TGFB2: variants seen among roughly 807,000 people sequenced by gnomAD.
TGFB2 encodes the protein transforming growth factor beta 2, also known as transforming growth factor beta-2 proprotein.
TGFB2 carries 13 observed loss-of-function variants against 42.7 expected under a neutral mutation model. The ratio of observed to expected loss-of-function variants is 0.30; its 90% CI spans 0.20 to 0.48. The LOEUF (loss-of-function observed/expected upper bound fraction) is 0.48. Among genes scored for constraint, TGFB2 ranks in the 20% least tolerant of loss-of-function variants. The probability of loss-of-function intolerance (pLI) is 0.99; values close to 1 mark genes in which losing one functional copy is unlikely to be tolerated. For synonymous variants in TGFB2, 193 were observed against 193.6 expected (o/e 1.00, Z 0.03); for missense variants, 390 against 517.5 (o/e 0.75, Z 2.39).
intron 2 of TGFB2, among the ~76,000 whole-genome samples, chr1:218,407,348 G>T (rs1012224541): frequency 1.3e-5 from 2 of 152,140 alleles, no homozygotes; most frequent in Non-Finnish European, 2.9e-5. Flanking sequence ...CCAATGTGCT[G>T]GGATTACAGG....
At chr1:218,364,025 C>T (rs575061092) in intron 1 of TGFB2, among the ~76,000 whole-genome samples, 40 of 152,220 alleles carry the variant, frequency 2.6e-4, no homozygotes, top group Middle Eastern at 3.4e-3. Flanking sequence ...TATCAGCTAT[C>T]GTTAGTGTTA....
chr1:218,406,910 T>C (rs906647507), intron 2 of TGFB2, among the ~76,000 whole-genome samples: 2 of 152,126 alleles, frequency 1.3e-5, no homozygotes, highest in African/African-American at 4.8e-5. Context: ...AAACATGGGA[T>C]TACTTGAGAA....
chr1:218,422,730 G>A (rs550992375), intron 2 of TGFB2, among the ~76,000 whole-genome samples: 1 of 152,174 alleles, frequency 6.6e-6, no homozygotes, highest in South Asian at 2.1e-4. Flanking sequence ...TTGTTGAGAT[G>A]TCTATATTCC....
At chr1:218,377,923 C>T (rs1657797739) in intron 1 of TGFB2, among the ~76,000 whole-genome samples, 1 of 152,124 alleles carries the variant, frequency 6.6e-6, no homozygotes, top group Non-Finnish European at 1.5e-5. Flanking sequence ...TTTGCCACCA[C>T]CTCCTTCGTT....
intron 1 of TGFB2, among the ~76,000 whole-genome samples, chr1:218,395,815 C>T (rs1365674068): frequency 6.6e-6 from 1 of 151,926 alleles, no homozygotes. Flanking sequence ...GGGATTTCAC[C>T]ATGTTAGCCA....
chr1:218,432,969 C>T (rs1262378545), intron 2 of TGFB2, among the ~76,000 whole-genome samples: 4 of 152,150 alleles, frequency 2.6e-5, no homozygotes, highest in Admixed American at 6.5e-5. Context: ...TTTTTAAAAC[C>T]ACCTAAAATA....
rs1656680488 is a variant in TGFB2, at chr1:218,346,466, C to T, written c.-236C>T. ...CTCGCCAAAGTCAGGGTTCCCTCTG[C>T]CCGTCCCGTATTAATATTTCCACTT... On this transcript the variant is annotated 5_prime_UTR_variant, in exon 1 of 7. Coordinates refer to ENST00000366930, the MANE Select transcript of TGFB2 (RefSeq NM_003238.6). The surrounding 1 kb of genome is among the most constrained non-coding windows in gnomAD (Gnocchi z 4.9). The T allele has an allele frequency of 2.2e-6, 1 of 452,702 alleles. No homozygotes were observed. Among genetic ancestry groups the T allele is most frequent in the African/African-American group, 2.1e-5 (1 of 48,704 alleles). 28.0% of individuals were successfully genotyped at this position (452,702 alleles called of 1,614,324 possible).
At chr1:218,363,281 C>T (rs752811672) in intron 1 of TGFB2, 320 of 1,416,736 alleles carry the variant, frequency 2.3e-4, no homozygotes, top group Non-Finnish European at 3.1e-4. Flanking sequence ...TAGTTCTGTG[C>T]CAGGCATCTC....
At chr1:218,411,624 C>T (rs764824675) in intron 2 of TGFB2, among the ~76,000 whole-genome samples, 5 of 152,134 alleles carry the variant, frequency 3.3e-5, no homozygotes, top group Non-Finnish European at 5.9e-5. Context: ...AATCCCAGCA[C>T]TTTGAGAGGC....
chr1:218,347,693 C>T (rs1656736188), intron 1 of TGFB2, among the ~76,000 whole-genome samples: 1 of 152,174 alleles, frequency 6.6e-6, no homozygotes, highest in African/African-American at 2.4e-5. Context: ...AAGGCAAAAT[C>T]CTATAACCAC....
At chr1:218,378,569 C>T (rs1362183914) in intron 1 of TGFB2, among the ~76,000 whole-genome samples, 2 of 152,156 alleles carry the variant, frequency 1.3e-5, no homozygotes, top group Admixed American at 6.5e-5. Context: ...CCCCCTCGGC[C>T]TCCCAAAGTG....
chr1:218,352,387 C>T (rs1407744328), intron 1 of TGFB2, among the ~76,000 whole-genome samples: 1 of 152,076 alleles, frequency 6.6e-6, no homozygotes, highest in East Asian at 1.9e-4. Flanking sequence ...TAAACAAATG[C>T]CCATTGTCAT....
rs12133998 is a variant in TGFB2, at chr1:218,345,604, C to G, written c.-1098C>G. 1 of 152,574 alleles carries G rather than the reference C, an allele frequency of 6.6e-6. No homozygotes were observed. Among genetic ancestry groups the G allele is most frequent in the South Asian group, 2.1e-4 (1 of 4,830 alleles). The allele number at this position is 152,574 out of a possible 1,614,324, so 9.5% of individuals were successfully genotyped here. A position where few individuals can be genotyped will look rare whatever the true frequency, so the allele number is the denominator to read the frequency against. On this transcript the variant is annotated 5_prime_UTR_variant, in exon 1 of 7. Transcript: ENST00000366930. Reference sequence around the variant, plus strand: ...TTAGGGTGGCAAGTGCCTACCTACCCTAAGCGAGCAATTCCACGTTGGGGA... The same window carrying G: ...TTAGGGTGGCAAGTGCCTACCTACCGTAAGCGAGCAATTCCACGTTGGGGA...
intron 1 of TGFB2, among the ~76,000 whole-genome samples, chr1:218,369,431 GCAAA>G (rs775581739): frequency 1.3e-5 from 2 of 152,106 alleles, no homozygotes; most frequent in Non-Finnish European, 2.9e-5. Context: ...TTTTCCTTTA[GCAAA>G]CAGTTTGATA....
At chr1:218,350,936 T>G (rs1212440278) in intron 1 of TGFB2, among the ~76,000 whole-genome samples, 1 of 152,264 alleles carries the variant, frequency 6.6e-6, no homozygotes, top group Non-Finnish European at 1.5e-5. Context: ...TCTTGATTTA[T>G]TCTACCATTT....
intron 2 of TGFB2, among the ~76,000 whole-genome samples, chr1:218,425,647 G>A (rs1030778100): frequency 7.2e-5 from 11 of 152,186 alleles, no homozygotes; most frequent in Admixed American, 1.3e-4. Flanking sequence ...AGGCAATGGC[G>A]CTATTATTAA....
At chr1:218,399,506 G>C (rs1277995701) in intron 1 of TGFB2, among the ~76,000 whole-genome samples, 1 of 152,172 alleles carries the variant, frequency 6.6e-6, no homozygotes, top group Non-Finnish European at 1.5e-5. Flanking sequence ...AATAAAAATA[G>C]TCCTAATATG....
At chr1:218,403,408 A>G (rs1658798520) in intron 1 of TGFB2, among the ~76,000 whole-genome samples, 1 of 152,198 alleles carries the variant, frequency 6.6e-6, no homozygotes, top group Non-Finnish European at 1.5e-5. Flanking sequence ...GAAAAAATTC[A>G]GGCTCTTAAG....
At chr1:218,430,325 G>A (rs1414714942) in intron 2 of TGFB2, among the ~76,000 whole-genome samples, 1 of 151,928 alleles carries the variant, frequency 6.6e-6, no homozygotes, top group Non-Finnish European at 1.5e-5. Flanking sequence ...AACCCTGGAG[G>A]CGGAGGTTGC....
Sources: allele counts gnomAD v4.1 joint callset (sites outside exome capture counted in the v4.1 genomes callset), GRCh38; gene constraint gnomAD v4.1.1; non-coding constraint Gnocchi (gnomAD v3.1); transcripts MANE v1.5; gene names NCBI Gene and HGNC (gene_info 2026-07-23, HGNC 2026-07-21).